The following PDE8B variants were observed in gnomAD, a reference collection of about 807,000 sequenced individuals.
PDE8B encodes the protein phosphodiesterase 8B.
A neutral mutation model predicts 101.3 loss-of-function variants in PDE8B; 26 were observed. The ratio of observed to expected loss-of-function variants is 0.26; its 90% CI spans 0.19 to 0.36. The LOEUF (loss-of-function observed/expected upper bound fraction) is 0.36, where lower values mean the gene tolerates loss of function less well. Ranked by LOEUF, PDE8B falls within the 10% of genes least tolerant of loss-of-function variation. The pLI is 1.00. For synonymous variants in PDE8B, 424 were observed against 429.3 expected (o/e 0.99, Z 0.15); for missense variants, 810 against 1,163.1 (o/e 0.70, Z 4.42).
At chr5:77,359,539 T>G (rs1169507488) in intron 10 of PDE8B, among the ~76,000 whole-genome samples, 6 of 152,166 alleles carry the variant, frequency 3.9e-5, no homozygotes, top group African/African-American at 1.4e-4. Context: ...TTCTGCTACA[T>G]CGAGGATGTT....
At chr5:77,313,180 A>C (rs763494203) in intron 2 of PDE8B, among the ~76,000 whole-genome samples, 1 of 152,212 alleles carries the variant, frequency 6.6e-6, no homozygotes, top group Non-Finnish European at 1.5e-5. Context: ...GTCAACCAAC[A>C]TATAGATGAA....
At chr5:77,346,082 C>T (rs1780102411) in intron 7 of PDE8B, among the ~76,000 whole-genome samples, 1 of 152,222 alleles carries the variant, frequency 6.6e-6, no homozygotes, top group African/African-American at 2.4e-5. Flanking sequence ...GGAACTTATC[C>T]AAGGAAAGCC....
At chr5:77,403,161 C>T (rs773351510) in intron 11 of PDE8B, among the ~76,000 whole-genome samples, 2 of 152,102 alleles carry the variant, frequency 1.3e-5, no homozygotes, top group Admixed American at 6.5e-5. Flanking sequence ...TATATCTCGG[C>T]GCTCACTGGT....
At chr5:77,359,604 A>C (rs915188958) in intron 10 of PDE8B, among the ~76,000 whole-genome samples, 2 of 152,086 alleles carry the variant, frequency 1.3e-5, no homozygotes, top group Admixed American at 1.3e-4. Context: ...GATAAGTGGG[A>C]GGTGGAGAAT....
At chr5:77,316,346 G>A (rs1268396852) in intron 2 of PDE8B, among the ~76,000 whole-genome samples, 4 of 152,054 alleles carry the variant, frequency 2.6e-5, no homozygotes, top group African/African-American at 4.8e-5. Context: ...CGATTCTTCT[G>A]CCTCAGCCTC....
At chr5:77,312,595 A>C (rs557067658) in intron 2 of PDE8B, among the ~76,000 whole-genome samples, 1 of 152,368 alleles carries the variant, frequency 6.6e-6, no homozygotes, top group East Asian at 1.9e-4. Context: ...CATGAGTCAC[A>C]ACTGGGTGGG....
chr5:77,394,433 G>C (rs759381033), intron 10 of PDE8B, among the ~76,000 whole-genome samples: 1 of 152,150 alleles, frequency 6.6e-6, no homozygotes, highest in Non-Finnish European at 1.5e-5. Flanking sequence ...TGGGCACTGT[G>C]ATCCCCATCA....
the PDE8B span, among the ~76,000 whole-genome samples, chr5:77,125,352 C>T: frequency 6.6e-6 from 1 of 152,130 alleles, no homozygotes; most frequent in Non-Finnish European, 1.5e-5. Flanking sequence ...AACTCTTGTG[C>T]ATTGCTGGTG....
chr5:77,120,995 A>G, the PDE8B span, among the ~76,000 whole-genome samples: 3 of 152,218 alleles, frequency 2.0e-5, no homozygotes. Context: ...ATGCAGAACC[A>G]AGAGTCAAAC....
At chr5:77,208,977 C>G (rs1159153817), upstream of PDE8B, among the ~76,000 whole-genome samples, 1 of 152,148 alleles carries the variant, frequency 6.6e-6, no homozygotes, top group African/African-American at 2.4e-5. Flanking sequence ...TTGCCTCCCT[C>G]CATTCCCTCC....
At position 77,409,165 on chromosome 5, in the gene PDE8B, A is replaced by G. The variant is rs1794059973; in HGVS notation, c.1530+108A>G. 8 of 891,868 alleles carry G rather than the reference A, an allele frequency of 9.0e-6. No individual in the cohort carries two copies. The Admixed American group carries it at 1.4e-4, about 15-fold the overall frequency. 55.2% of individuals were successfully genotyped at this position (891,868 alleles called of 1,614,324 possible). A position where few individuals can be genotyped will look rare whatever the true frequency, so the allele number is the denominator to read the frequency against. On this transcript the variant is annotated intron_variant, in intron 14 of 21. Transcript: ENST00000264917. ...GGTTGCAGAAGTACCTGTTATATAG[A>G]CTAACGTTAGCATAACCAGAAGCAA...
At chr5:77,225,848 G>A (rs1430924575) in intron 1 of PDE8B, among the ~76,000 whole-genome samples, 2 of 144,330 alleles carry the variant, frequency 1.4e-5, no homozygotes, top group South Asian at 2.2e-4. Context: ...ACATGCGCGT[G>A]CACACACACA....
chr5:77,139,245 C>G, the PDE8B span: 9 of 152,264 alleles, frequency 5.9e-5, no homozygotes, highest in African/African-American at 2.2e-4. Flanking sequence ...TTCTCTTCCC[C>G]TTTATTTCTT....
rs182819943 is a variant in PDE8B at position 77,304,362 on chromosome 5, G to A, written c.340-7632G>A. On this transcript the variant is annotated intron_variant, in intron 1 of 21. Transcript: ENST00000264917. Reference sequence around the variant, plus strand: ...AATTTCTTTTTCAAATCATTTCCCCGGCTTTGTTTTTGGCTGTCTTCTTAC... The same window carrying A: ...AATTTCTTTTTCAAATCATTTCCCCAGCTTTGTTTTTGGCTGTCTTCTTAC... Among the ~76,000 whole-genome samples the A allele has an allele frequency of 2.4e-3, 371 of 151,732 alleles. 3 individuals are homozygous for A. Among genetic ancestry groups the A allele is most frequent in the South Asian group, 0.01 (48 of 4,790 alleles).
At chr5:77,323,117 C>T (rs992596700) in intron 2 of PDE8B, among the ~76,000 whole-genome samples, 3 of 152,200 alleles carry the variant, frequency 2.0e-5, no homozygotes, top group African/African-American at 7.2e-5. Context: ...CACAGCTACA[C>T]CAAGTAAAAG....
Position 77,211,271 on chromosome 5 carries a change from G to A in PDE8B, c.339+7G>A, listed in dbSNP as rs1282194870. 3 of 1,552,988 alleles carry A rather than the reference G, an allele frequency of 1.9e-6. No homozygotes were observed. Among genetic ancestry groups the A allele is most frequent in the South Asian group, 2.3e-5 (2 of 85,410 alleles). Reference sequence around the variant, plus strand: ...CTGCTACACCAGCGTGAAGGTAAATGCCCCGCGCTGGCACACGCCGTGGGG... The same window carrying A: ...CTGCTACACCAGCGTGAAGGTAAATACCCCGCGCTGGCACACGCCGTGGGG... On this transcript the variant is annotated splice_region_variant and intron_variant, in intron 1 of 21. Transcript: ENST00000264917. This position sits in a 1 kb window ranked among gnomAD's most constrained non-coding sequence, Gnocchi z 4.1.
At chr5:77,410,177 T>C (rs768269586) in intron 14 of PDE8B, among the ~76,000 whole-genome samples, 1 of 152,264 alleles carries the variant, frequency 6.6e-6, no homozygotes, top group Non-Finnish European at 1.5e-5. Context: ...CAACTTCTAT[T>C]GAAGCAGCAG....
At chr5:77,128,506 G>A in the PDE8B span, among the ~76,000 whole-genome samples, 2 of 152,194 alleles carry the variant, frequency 1.3e-5, no homozygotes, top group Non-Finnish European at 2.9e-5. Flanking sequence ...GCTTTCCACA[G>A]GCATCACAGA....
chr5:77,331,200 T>C (rs1207213510), intron 4 of PDE8B: 4 of 674,026 alleles, frequency 5.9e-6, no homozygotes, highest in Non-Finnish European at 1.1e-5. Flanking sequence ...GAGCTTTCTC[T>C]GCTGTTTTTG....
Sources: gnomAD v4.1 joint callset for allele counts (sites outside exome capture counted in the v4.1 genomes callset) on GRCh38, gnomAD v4.1.1 for gene constraint, Gnocchi (gnomAD v3.1) non-coding constraint, MANE v1.5 for transcripts, NCBI Gene and HGNC (gene_info 2026-07-23, HGNC 2026-07-21) for gene names.